Variants in LRRC7 observed in about 807,000 individuals in gnomAD.
LRRC7 encodes leucine-rich repeat-containing protein 7.
Under a neutral mutation model 175.7 loss-of-function variants are expected in LRRC7, and 23 were observed. The ratio of observed to expected loss-of-function variants is 0.13; its 90% CI spans 0.09 to 0.19. LRRC7 has a LOEUF of 0.19. Among genes scored for constraint, LRRC7 ranks in the 10% least tolerant of loss-of-function variants. LRRC7 has a pLI of 1.00. For missense variants in LRRC7, 1,354 were observed against 1,904.7 expected (o/e 0.71, Z 5.38); for synonymous variants, 685 against 680.9 (o/e 1.01, Z -0.09).
chr1:69,905,467 C>T (rs1486081966), intron 7 of LRRC7, among the ~76,000 whole-genome samples: 2 of 152,036 alleles, frequency 1.3e-5, no homozygotes, highest in Admixed American at 6.6e-5. Flanking sequence ...TCCATGTGTT[C>T]TCATTGTTCA....
intron 3 of LRRC7, among the ~76,000 whole-genome samples, chr1:69,767,258 A>T (rs548559476): frequency 6.6e-6 from 1 of 152,064 alleles, no homozygotes; most frequent in Non-Finnish European, 1.5e-5. Context: ...ACCGTATGTC[A>T]TTTTTTTAAA....
chr1:69,973,212 AC>A (rs1009621937), intron 8 of LRRC7, among the ~76,000 whole-genome samples: 1 of 151,840 alleles, frequency 6.6e-6, no homozygotes, highest in African/African-American at 2.4e-5. Context: ...GTATGTTGTC[AC>A]TCATATGTGG....
chr1:69,678,352 G>A, intron 1 of LRRC7, 29 bp from the exon 2 acceptor site: 1 of 1,436,236 alleles, frequency 7.0e-7, no homozygotes, highest in Non-Finnish European at 9.6e-7. Context: ...AAAAGAGTAT[G>A]AAAATACTCT....
chr1:69,820,633 T>TGGTTTTCTGTTCC (rs1679173618), intron 4 of LRRC7, among the ~76,000 whole-genome samples: 1 of 152,174 alleles, frequency 6.6e-6, no homozygotes, highest in African/African-American at 2.4e-5. Context: ...GTTCCAGTGT[T>TGGTTTTCTGTTCC]AGTTTGCTGA....
intron 1 of LRRC7, among the ~76,000 whole-genome samples, chr1:69,602,398 C>T (rs1647112376): frequency 6.6e-6 from 1 of 152,118 alleles, no homozygotes; most frequent in Non-Finnish European, 1.5e-5. Context: ...ACTAATGACT[C>T]TTTCAAGTGG....
Position 70,124,656 on chromosome 1 carries a change from T to A in LRRC7, c.*2769T>A, listed in dbSNP as rs898556196. On this transcript the variant is annotated 3_prime_UTR_variant, in exon 27 of 27. Transcript: ENST00000651989. ...ATAGGTGATGAAAACCAATTATACA[T>A]TGATTTTTGATTATTGACTTTTTGC... Among the ~76,000 whole-genome samples the A allele has an allele frequency of 1.3e-5, 2 of 152,070 alleles. No individual in the cohort carries two copies.
At chr1:70,100,784 C>T (rs1332788282) in intron 25 of LRRC7, among the ~76,000 whole-genome samples, 2 of 152,038 alleles carry the variant, frequency 1.3e-5, no homozygotes, top group Non-Finnish European at 2.9e-5. Context: ...CTTTCTCCCT[C>T]TTTCTCTCTT....
chr1:69,882,777 C>A (rs572178252), intron 7 of LRRC7, among the ~76,000 whole-genome samples: 1 of 121,266 alleles, frequency 8.2e-6, no homozygotes, highest in South Asian at 3.2e-4. Context: ...CCCCACCCCA[C>A]CACAGTATCC....
At chr1:70,108,817 C>T (rs867795436) in intron 26 of LRRC7, among the ~76,000 whole-genome samples, 2 of 152,200 alleles carry the variant, frequency 1.3e-5, no homozygotes, top group Non-Finnish European at 2.9e-5. Flanking sequence ...ACTATACAAA[C>T]ACAGTTTAAA....
At chr1:69,657,124 G>A (rs1413778862) in intron 1 of LRRC7, among the ~76,000 whole-genome samples, 2 of 150,756 alleles carry the variant, frequency 1.3e-5, no homozygotes, top group African/African-American at 2.4e-5. Flanking sequence ...GTGTGTGTAT[G>A]TGTGTGTGTG....
At chr1:69,972,912 C>CTA (rs1557945170) in intron 8 of LRRC7, among the ~76,000 whole-genome samples, 6 of 145,986 alleles carry the variant, frequency 4.1e-5, no homozygotes, top group African/African-American at 1.5e-4. Context: ...TTATATATAA[C>CTA]TATATATTTT....
chr1:69,645,520 A>G (rs1278056644), intron 1 of LRRC7, among the ~76,000 whole-genome samples: 1 of 151,922 alleles, frequency 6.6e-6, no homozygotes, highest in Non-Finnish European at 1.5e-5. Context: ...CTTTTTGTTC[A>G]ATTCTCAACA....
In LRRC7 at chr1:70,004,705, A is replaced by ATCTC. The variant is rs139541811; in HGVS notation, c.1005-7077_1005-7074dup. Reference sequence around the variant, plus strand: ...TAAGCAGCTCACCTTTGCCAAACAAATCTCTCTCTCTCTCTCTCCCCCCGG... The same window carrying ATCTC: ...TAAGCAGCTCACCTTTGCCAAACAAATCTCTCTCTCTCTCTCTCTCTCCCCCCGG... On this transcript the variant is annotated intron_variant, in intron 11 of 26. Coordinates refer to ENST00000651989, the MANE Select transcript of LRRC7 (RefSeq NM_001370785.2). Among the ~76,000 whole-genome samples, 15 of 148,160 alleles carry ATCTC rather than the reference A, an allele frequency of 1.0e-4. No homozygotes were observed. The East Asian group carries it at 2.4e-3, about 24-fold the overall frequency.
At chr1:70,016,062 G>A (rs1656935384) in intron 13 of LRRC7, among the ~76,000 whole-genome samples, 1 of 152,170 alleles carries the variant, frequency 6.6e-6, no homozygotes. Context: ...TTGAGAAGAT[G>A]GCATTTAAGC....
intron 22 of LRRC7, among the ~76,000 whole-genome samples, chr1:70,049,826 C>CT (rs1660617381): frequency 6.6e-6 from 1 of 151,902 alleles, no homozygotes; most frequent in African/African-American, 2.4e-5. Context: ...ACTGGAAAAA[C>CT]TTTGGGGGAG....
At chr1:69,644,017 T>C (rs1314834606) in intron 1 of LRRC7, among the ~76,000 whole-genome samples, 1 of 152,174 alleles carries the variant, frequency 6.6e-6, no homozygotes, top group Non-Finnish European at 1.5e-5. Context: ...TGGGATGCAG[T>C]TAATGCAATG....
chr1:69,828,059 T>A (rs1680125935), intron 5 of LRRC7, among the ~76,000 whole-genome samples: 1 of 152,132 alleles, frequency 6.6e-6, no homozygotes. Context: ...TTCTTTTACT[T>A]AACATAATGA....
intron 1 of LRRC7, among the ~76,000 whole-genome samples, chr1:69,628,670 A>G (rs1651993443): frequency 6.6e-6 from 1 of 152,130 alleles, no homozygotes; most frequent in Admixed American, 6.6e-5. Flanking sequence ...ACCTAACACA[A>G]TATTGAAGGA....
intron 7 of LRRC7, among the ~76,000 whole-genome samples, chr1:69,855,454 C>G (rs149744547): frequency 6.6e-6 from 1 of 152,052 alleles, no homozygotes; most frequent in African/African-American, 2.4e-5. Context: ...GTTTCTTAAC[C>G]CTGAGTTCTA....
Sources: allele counts gnomAD v4.1 joint callset (sites outside exome capture counted in the v4.1 genomes callset), GRCh38; gene constraint gnomAD v4.1.1; transcripts MANE v1.5; gene names NCBI Gene and HGNC (gene_info 2026-07-23, HGNC 2026-07-21).